Variants in ITGAM observed in about 807,000 individuals in gnomAD.
ITGAM encodes integrin alpha-M.
A neutral mutation model predicts 137.5 loss-of-function variants in ITGAM; 79 were observed. The ratio of observed to expected loss-of-function variants is 0.57; its 90% CI spans 0.48 to 0.69. The LOEUF is 0.69. Ranked by LOEUF, ITGAM falls within the 30% of genes least tolerant of loss-of-function variation. ITGAM has a pLI of 0.00. For synonymous variants in ITGAM, 583 were observed against 592.3 expected, an observed-to-expected ratio of 0.98 and a Z score of 0.23; for missense variants, 1,343 against 1,483.5, an observed-to-expected ratio of 0.91 and a Z score of 1.56.
Position 31,261,797 on chromosome 16 carries a change from G to A in ITGAM, c.134G>A (p.Arg45Lys), listed in dbSNP as rs201390994. The A allele has an allele frequency of 3.1e-6, 5 of 1,604,018 alleles. No homozygotes were observed. Among genetic ancestry groups the A allele is most frequent in the Non-Finnish European group, 4.3e-6 (5 of 1,172,006 alleles). The change falls in exon 2 of 30, where the codon AGG (arginine) becomes AAG (lysine). Residue 45 changes from arginine (R) to lysine (K), a missense_variant and splice_region_variant. Coordinates refer to ENST00000544665, the MANE Select transcript of ITGAM (RefSeq NM_000632.4). ...AGCGTGGTCCAGCTTCAGGGATCCA[G>A]GTGAGACCCTTAGATGGAGCCCCCT... ...GQSVVQLQGS[R>K]VVVGAPQEIV...
chr16:31,328,233 G>A lies in ITGAM; in HGVS notation c.2792+3G>A, dbSNP rs1669499518. On this transcript the variant is annotated splice_donor_region_variant and intron_variant, in intron 23 of 29. Transcript: ENST00000544665. The stretch of plus-strand genomic sequence containing the variant: ...GCTGTCTACATGGTGGTCACCAGGT[G>A]CTGGCTTCCAGGACTTTAGCTGAGC... 1.2e-6 allele frequency: 2 copies of A among 1,612,492 alleles called. No homozygotes were observed. The highest frequency in any genetic ancestry group is 1.1e-5 in the South Asian group (1 of 91,068).
At chr16:31,261,546 C>T in intron 1 of ITGAM, 146 bp from the exon 2 acceptor site, 3 of 463,908 alleles carry the variant, frequency 6.5e-6, no homozygotes, top group Admixed American at 3.7e-5. Flanking sequence ...GAGATAGGAT[C>T]TCTCTCTGTT....
chr16:31,277,889 C>T (rs2079926510), intron 11 of ITGAM, 78 bp from the exon 12 acceptor site: 2 of 1,458,456 alleles, frequency 1.4e-6, no homozygotes, highest in Non-Finnish European at 1.9e-6. Flanking sequence ...TGCCCCAGTG[C>T]CCCTACTCAA....
intron 12 of ITGAM, among the ~76,000 whole-genome samples, chr16:31,288,868 G>T (rs1422688352): frequency 2.6e-5 from 4 of 152,182 alleles, no homozygotes; most frequent in Admixed American, 1.3e-4. Context: ...ATCTGACAAA[G>T]GGCTAATATC....
chr16:31,322,680 A>C (rs2080462321), intron 16 of ITGAM, among the ~76,000 whole-genome samples: 1 of 152,222 alleles, frequency 6.6e-6, no homozygotes, highest in Non-Finnish European at 1.5e-5. Flanking sequence ...GGTGATTCAG[A>C]AATTAGAGTG....
chr16:31,331,423 T>C (rs2080581388), intron 29 of ITGAM, 148 bp downstream of exon 29: 1 of 673,424 alleles, frequency 1.5e-6, no homozygotes, highest in Admixed American at 2.6e-5. Context: ...TTAGGGAGGG[T>C]GGCCGGGTTC....
At chr16:31,280,998 C>G (rs1403717719) in intron 12 of ITGAM, among the ~76,000 whole-genome samples, 2 of 152,108 alleles carry the variant, frequency 1.3e-5, no homozygotes, top group Admixed American at 1.3e-4. Context: ...GTCTTTGGTT[C>G]TGTTTATATG....
chr16:31,286,077 C>T (rs112008163), intron 12 of ITGAM, among the ~76,000 whole-genome samples: 4 of 152,252 alleles, frequency 2.6e-5, no homozygotes, highest in African/African-American at 9.6e-5. Flanking sequence ...TTAGCTCCCA[C>T]TTATAAGTGA....
At chr16:31,300,066 G>T (rs1046977979) in intron 14 of ITGAM, among the ~76,000 whole-genome samples, 4 of 151,984 alleles carry the variant, frequency 2.6e-5, no homozygotes, top group African/African-American at 9.7e-5. Flanking sequence ...TCCCTATGTT[G>T]CCCAGGCTGA....
intron 5 of ITGAM, among the ~76,000 whole-genome samples, chr16:31,270,290 T>C (rs1040757838): frequency 6.6e-6 from 1 of 150,920 alleles, no homozygotes; most frequent in Non-Finnish European, 1.5e-5. Context: ...TTAATAGAGA[T>C]AGGGTTTCAC....
chr16:31,329,378 G>A (rs1567283134), intron 24 of ITGAM, 75 bp downstream of exon 24: 2 of 1,132,480 alleles, frequency 1.8e-6, no homozygotes. Flanking sequence ...GCAGAAACAG[G>A]GATGGGAAAT....
chr16:31,285,037 G>A (rs1006234082), intron 12 of ITGAM, among the ~76,000 whole-genome samples: 1 of 152,020 alleles, frequency 6.6e-6, no homozygotes, highest in African/African-American at 2.4e-5. Context: ...TGAGCTCCCC[G>A]AGTGAGCAAT....
At chr16:31,263,303 T>G (rs773636998) in intron 2 of ITGAM, among the ~76,000 whole-genome samples, 2 of 152,234 alleles carry the variant, frequency 1.3e-5, no homozygotes, top group Non-Finnish European at 2.9e-5. Flanking sequence ...GTTCCCAAAC[T>G]TTTGCTCTAT....
intron 14 of ITGAM, among the ~76,000 whole-genome samples, chr16:31,308,017 A>G (rs2080283046): frequency 1.3e-5 from 2 of 152,010 alleles, no homozygotes; most frequent in Admixed American, 1.3e-4. Flanking sequence ...CATGGTGGAT[A>G]AGCTTTTTGA....
intron 5 of ITGAM, among the ~76,000 whole-genome samples, chr16:31,266,801 C>A (rs574640219): frequency 6.6e-6 from 1 of 151,396 alleles, no homozygotes; most frequent in Non-Finnish European, 1.5e-5. Flanking sequence ...TCCTGGGGGG[C>A]GGCCTTCCAC....
chr16:31,305,916 G>A (rs1180012829), intron 14 of ITGAM, among the ~76,000 whole-genome samples: 1 of 151,984 alleles, frequency 6.6e-6, no homozygotes, highest in African/African-American at 2.4e-5. Flanking sequence ...ATATTGTTCT[G>A]TAGTTTTCTT....
chr16:31,313,023 G>C (rs1422413008), intron 14 of ITGAM, among the ~76,000 whole-genome samples: 1 of 151,892 alleles, frequency 6.6e-6, no homozygotes, highest in Non-Finnish European at 1.5e-5. Flanking sequence ...TTCAAGACCA[G>C]CCTTGCCAAC....
intron 23 of ITGAM, among the ~76,000 whole-genome samples, chr16:31,328,723 T>C (rs2080538555): frequency 6.6e-6 from 1 of 150,568 alleles, no homozygotes; most frequent in Admixed American, 6.6e-5. Context: ...TCTGTGTGCC[T>C]GGGTGTGTAT....
chr16:31,289,429 A>G (rs1213462816), intron 12 of ITGAM, among the ~76,000 whole-genome samples: 2 of 152,212 alleles, frequency 1.3e-5, no homozygotes, highest in East Asian at 1.9e-4. Flanking sequence ...GCAGCCATAA[A>G]AAAGGATGAG....
Sources: allele counts gnomAD v4.1 joint callset (sites outside exome capture counted in the v4.1 genomes callset), GRCh38; gene constraint gnomAD v4.1.1; transcripts MANE v1.5; gene names NCBI Gene and HGNC (gene_info 2026-07-23, HGNC 2026-07-21).